Variants in ITPR2 observed in about 807,000 individuals in gnomAD.
ITPR2 encodes inositol 1,4,5-trisphosphate receptor type 2, also known as inositol 1,4,5-trisphosphate-gated calcium channel ITPR2.
ITPR2 carries 207 observed loss-of-function variants against 317.1 expected under a neutral mutation model. The observed-to-expected ratio is 0.65, with a 90% confidence interval of 0.58 to 0.73. The LOEUF (loss-of-function observed/expected upper bound fraction) is 0.73. Ranked by LOEUF, ITPR2 falls within the 30% of genes least tolerant of loss-of-function variation. The probability of loss-of-function intolerance (pLI) is 0.00; values close to 1 mark genes in which losing one functional copy is unlikely to be tolerated. For missense variants in ITPR2, 2,613 were observed against 3,284.0 expected, an observed-to-expected ratio of 0.80 and a Z score of 4.99; for synonymous variants, 1,156 against 1,149.1, an observed-to-expected ratio of 1.01 and a Z score of -0.12.
chr12:26,397,913 C>A (rs752479405), intron 54 of ITPR2, among the ~76,000 whole-genome samples: 3 of 151,790 alleles, frequency 2.0e-5, no homozygotes, highest in African/African-American at 4.8e-5. Context: ...TGCCGAGAGA[C>A]CAGCTACAAA....
intron 2 of ITPR2, among the ~76,000 whole-genome samples, chr12:26,765,439 T>A (rs779736370): frequency 6.6e-6 from 1 of 152,098 alleles, no homozygotes; most frequent in Non-Finnish European, 1.5e-5. Context: ...CTCTAGAAAG[T>A]GTACCAATGT....
chr12:26,380,651 T>C (rs941192029), intron 55 of ITPR2, among the ~76,000 whole-genome samples: 1 of 152,172 alleles, frequency 6.6e-6, no homozygotes, highest in Admixed American at 6.5e-5. Context: ...CTAGAAGTAA[T>C]AGAACAGAAC....
rs781711685 is a variant in ITPR2, at chr12:26,686,433, C to T, written c.1148+48G>A. On this transcript the variant is annotated intron_variant, in intron 11 of 56. Coordinates refer to ENST00000381340, the MANE Select transcript of ITPR2 (RefSeq NM_002223.4). Reference sequence around the variant, plus strand: ...TATTATTATTTTCATTCCTCACCTACTGGTATAATTATTCAAAGAAACATC... The same window carrying T: ...TATTATTATTTTCATTCCTCACCTATTGGTATAATTATTCAAAGAAACATC... The T allele has an allele frequency of 4.0e-6, 5 of 1,255,358 alleles. No homozygotes were observed. In the East Asian group the frequency reaches 9.9e-5, roughly 25 times the overall value. The allele number at this position is 1,255,358 out of a possible 1,614,324, so 77.8% of individuals were successfully genotyped here. A position where few individuals can be genotyped will look rare whatever the true frequency, so the allele number is the denominator to read the frequency against.
intron 2 of ITPR2, among the ~76,000 whole-genome samples, chr12:26,747,000 A>T (rs148879737): frequency 6.6e-5 from 10 of 152,320 alleles, no homozygotes; most frequent in Admixed American, 1.3e-4. Context: ...TAAATATTCA[A>T]GTAACTCCAA....
intron 45 of ITPR2, among the ~76,000 whole-genome samples, chr12:26,450,534 G>C (rs962102750): frequency 2.0e-5 from 3 of 152,154 alleles, no homozygotes; most frequent in African/African-American, 7.2e-5. Context: ...TCAGAGTCCT[G>C]TGAGAAAGAA....
chr12:26,384,339 C>G (rs1337994102), intron 55 of ITPR2, among the ~76,000 whole-genome samples: 1 of 152,210 alleles, frequency 6.6e-6, no homozygotes, highest in Non-Finnish European at 1.5e-5. Flanking sequence ...AAGTAACCTT[C>G]CATGCAAACA....
chr12:26,377,999 T>C (rs1939394469), intron 55 of ITPR2, among the ~76,000 whole-genome samples: 1 of 152,096 alleles, frequency 6.6e-6, no homozygotes, highest in East Asian at 1.9e-4. Context: ...AAAGAACCTG[T>C]CCTCTGTGCT....
At position 26,655,818 on chromosome 12, in the gene ITPR2, T is replaced by C; in HGVS notation, c.2479A>G (p.Met827Val). Reference protein sequence around the residue: ...DSITDSSRNDMKRKFALTMEF... With the variant: ...DSITDSSRNDVKRKFALTMEF... ...ATTGTCAGGGCAAATTTCCTCTTCA[T>C]ATCATTTCTGGAAGAGTCTGTTATA... Residue 827 changes from methionine to valine, a missense_variant, in exon 20 of 57, where the codon ATG (methionine) becomes GTG (valine). Met to Val is a conservative substitution (Grantham distance 21, BLOSUM62 1). Coordinates refer to ENST00000381340, the MANE Select transcript of ITPR2 (RefSeq NM_002223.4). 1 of 1,611,940 alleles carries C rather than the reference T, an allele frequency of 6.2e-7. No homozygotes were observed.
intron 21 of ITPR2, among the ~76,000 whole-genome samples, chr12:26,645,454 T>C (rs182393173): frequency 1.5e-3 from 226 of 152,224 alleles, no homozygotes; most frequent in Middle Eastern, 3.4e-3. Flanking sequence ...GAACCACATA[T>C]GGAAGATGGG....
chr12:26,428,806 T>C (rs896617704), intron 48 of ITPR2, among the ~76,000 whole-genome samples: 1 of 152,220 alleles, frequency 6.6e-6, no homozygotes, highest in Non-Finnish European at 1.5e-5. Context: ...CATTGACATT[T>C]GCACTGACAT....
chr12:26,809,527 A>G (rs1216068091), intron 1 of ITPR2, among the ~76,000 whole-genome samples: 1 of 152,186 alleles, frequency 6.6e-6, no homozygotes, highest in Non-Finnish European at 1.5e-5. Flanking sequence ...ATCTCATTTG[A>G]CATTTTGGTA....
chr12:26,732,009 C>G (rs1339497358), intron 2 of ITPR2, among the ~76,000 whole-genome samples: 1 of 151,214 alleles, frequency 6.6e-6, no homozygotes, highest in Non-Finnish European at 1.5e-5. Flanking sequence ...AAATTTCAAA[C>G]CAAACATCTA....
At chr12:26,701,150 G>C (rs7310395) in intron 9 of ITPR2, among the ~76,000 whole-genome samples, 95,833 of 151,576 alleles carry the variant, frequency 0.63, 30,953 homozygotes, top group Non-Finnish European at 0.7. Context: ...AAATGATAGA[G>C]AGAGAGAAAC....
chr12:26,608,516 C>CT (rs1017193574), intron 26 of ITPR2, among the ~76,000 whole-genome samples: 2 of 132,064 alleles, frequency 1.5e-5, no homozygotes, highest in African/African-American at 5.3e-5. Flanking sequence ...AGGAACCCCT[C>CT]TGCTTGGCCG....
At chr12:26,723,422 A>C (rs753568) in intron 4 of ITPR2, among the ~76,000 whole-genome samples, 122,834 of 152,000 alleles carry the variant, frequency 0.81, 49,829 homozygotes, top group East Asian at 0.98. Flanking sequence ...CAGCCCCTCA[A>C]TGACCAAGCT....
chr12:26,738,121 T>C (rs977532644), intron 2 of ITPR2, among the ~76,000 whole-genome samples: 5 of 152,182 alleles, frequency 3.3e-5, no homozygotes, highest in Non-Finnish European at 7.3e-5. Flanking sequence ...TTAATCTCTG[T>C]AGAAAACTTT....
intron 1 of ITPR2, among the ~76,000 whole-genome samples, chr12:26,820,700 T>C (rs927296922): frequency 9.9e-5 from 15 of 152,174 alleles, no homozygotes; most frequent in Non-Finnish European, 2.2e-4. Flanking sequence ...GCATTATTCA[T>C]AATAGCCAAA....
intron 14 of ITPR2, 147 bp from the exon 15 acceptor site, chr12:26,663,993 C>T: frequency 2.9e-6 from 2 of 697,684 alleles, no homozygotes; most frequent in Non-Finnish European, 4.5e-6. Context: ...ATTTACGTTA[C>T]AGGACCAACA....
chr12:26,445,783 G>A (rs1224830034), intron 45 of ITPR2, among the ~76,000 whole-genome samples: 2 of 152,182 alleles, frequency 1.3e-5, no homozygotes, highest in Non-Finnish European at 2.9e-5. Flanking sequence ...AGTAGAGGCA[G>A]CTCTTGAGGA....
Sources: allele counts gnomAD v4.1 joint callset (sites outside exome capture counted in the v4.1 genomes callset), GRCh38; gene constraint gnomAD v4.1.1; transcripts MANE v1.5; gene names NCBI Gene and HGNC (gene_info 2026-07-23, HGNC 2026-07-21).